CRLS1: variants seen among roughly 807,000 people sequenced by gnomAD.
CRLS1 encodes the protein cardiolipin synthase 1, also known as cardiolipin synthase (CMP-forming).
CRLS1 carries 24 observed loss-of-function variants against 37.0 expected under a neutral mutation model. The ratio of observed to expected loss-of-function variants is 0.65; its 90% CI spans 0.47 to 0.91. The LOEUF (loss-of-function observed/expected upper bound fraction) is 0.91, where lower values mean the gene tolerates loss of function less well. Ranked by LOEUF, CRLS1 falls within the 40% of genes least tolerant of loss-of-function variation. The pLI, the probability that CRLS1 is intolerant of heterozygous loss-of-function variation, is 0.00. For missense variants in CRLS1, 373 were observed against 395.8 expected (o/e 0.94, Z 0.49); for synonymous variants, 135 against 159.7 (o/e 0.85, Z 1.17).
Position 6,037,138 on chromosome 20 carries a change from GT to G in CRLS1, c.888del (p.Gln297ArgfsTer2), listed in dbSNP as rs1436510571. The G allele has an allele frequency of 1.2e-6, 2 of 1,613,240 alleles. No individual in the cohort carries two copies. Among genetic ancestry groups the G allele is most frequent in the Non-Finnish European group, 1.7e-6 (2 of 1,179,490 alleles). On this transcript the variant is annotated frameshift_variant, in exon 7 of 7. Transcript: ENST00000378863. LOFTEE classifies it high-confidence loss of function. ...YSYYHYGRKT[V>X]QVIKD ...TTACTATCATTATGGCCGGAAGACT[GT>G]TCAGGTGATAAAAGACTGATGAAAG...
In CRLS1 at chr20:6,006,170, C is replaced by T. The variant is rs1386996740; in HGVS notation, c.-77C>T. 2.4e-6 allele frequency: 2 copies of T among 846,764 alleles called. No homozygotes were observed. The highest frequency in any genetic ancestry group is 1.8e-5 in the African/African-American group (1 of 56,518). The allele number at this position is 846,764 out of a possible 1,614,324, so 52.5% of individuals were successfully genotyped here. On this transcript the variant is annotated 5_prime_UTR_variant, in exon 1 of 7. Transcript: ENST00000378863. Reference sequence around the variant, plus strand: ...AGTGTCTGAGTGGTTGCCGGGTCTCCATGGAGAAGCGGCTCGCCAGTGTCC... The same window carrying T: ...AGTGTCTGAGTGGTTGCCGGGTCTCTATGGAGAAGCGGCTCGCCAGTGTCC...
intron 6 of CRLS1, among the ~76,000 whole-genome samples, chr20:6,035,456 T>C (rs965708830): frequency 2.0e-5 from 3 of 152,158 alleles, no homozygotes; most frequent in African/African-American, 7.2e-5. Context: ...TGTTTAGATA[T>C]TTTCCCTAGT....
At chr20:6,009,683 T>A (rs2090106424) in intron 1 of CRLS1, 92 bp from the exon 2 acceptor site, 1 of 974,180 alleles carries the variant, frequency 1.0e-6, no homozygotes, top group African/African-American at 1.7e-5. Context: ...TGACTGAAGT[T>A]GATGAAGTAT....
chr20:6,012,251 G>C (rs1411963828), intron 2 of CRLS1, among the ~76,000 whole-genome samples: 1 of 152,186 alleles, frequency 6.6e-6, no homozygotes, highest in Non-Finnish European at 1.5e-5. Context: ...GACAAAGTCT[G>C]ATTGCGTTGT....
At chr20:6,006,907 T>G in intron 1 of CRLS1, 7 of 807,424 alleles carry the variant, frequency 8.7e-6, no homozygotes, top group Non-Finnish European at 7.5e-6. Context: ...TTAGGGCAAG[T>G]CTTTGGGAAT....
chr20:6,023,690 C>T (rs62205719), intron 3 of CRLS1, among the ~76,000 whole-genome samples: 15 of 150,530 alleles, frequency 1.0e-4, no homozygotes, highest in African/African-American at 2.2e-4. Flanking sequence ...CCCCACCTTC[C>T]GTTGAATTTT....
At chr20:6,015,113 G>A (rs777788198) in intron 2 of CRLS1, among the ~76,000 whole-genome samples, 2 of 152,032 alleles carry the variant, frequency 1.3e-5, no homozygotes, top group Non-Finnish European at 2.9e-5. Context: ...TGAAAATACC[G>A]AGAAATAACC....
intron 3 of CRLS1, among the ~76,000 whole-genome samples, chr20:6,022,528 G>A (rs1462503228): frequency 2.0e-5 from 3 of 151,752 alleles, no homozygotes; most frequent in East Asian, 3.9e-4. Context: ...TTTTAGAGAT[G>A]GAGTTTTGCC....
intron 5 of CRLS1, among the ~76,000 whole-genome samples, chr20:6,032,723 G>A (rs1174571827): frequency 6.6e-6 from 1 of 152,214 alleles, no homozygotes; most frequent in Non-Finnish European, 1.5e-5. Flanking sequence ...GTATATGCCA[G>A]TCTACCTCTC....
At chr20:6,011,572 CTTTTTT>C (rs559511975) in intron 2 of CRLS1, among the ~76,000 whole-genome samples, 188 of 27,806 alleles carry the variant, frequency 6.8e-3, no homozygotes, top group African/African-American at 0.011. Context: ...TTTGTCCCTG[CTTTTTT>C]TTTTTTTTTT....
rs898178743 is a variant in CRLS1, at chr20:6,039,334, C to T, written c.*2176C>T. On this transcript the variant is annotated 3_prime_UTR_variant, in exon 7 of 7. Transcript: ENST00000378863. ...TGTTTTTTTTACAAGCCCACAACAT[C>T]ATAGCTTTGCAGTTTTTAACCAGGA... is the stretch of plus-strand genomic sequence containing the variant. 1.3e-5 allele frequency: 2 copies of T among 151,296 alleles called. No individual in the cohort carries two copies. Among genetic ancestry groups the T allele is most frequent in the African/African-American group, 4.9e-5 (2 of 41,126 alleles). 9.4% of individuals were successfully genotyped at this position (151,296 alleles called of 1,614,324 possible). A position where few individuals can be genotyped will look rare whatever the true frequency, so the allele number is the denominator to read the frequency against.
intron 6 of CRLS1, 89 bp from the exon 7 acceptor site, chr20:6,036,985 T>C: frequency 1.1e-6 from 1 of 899,182 alleles, no homozygotes; most frequent in Non-Finnish European, 1.7e-6. Flanking sequence ...TTTTACATTT[T>C]AAATTCATTG....
chr20:6,013,841 A>G (rs116255680), intron 2 of CRLS1, among the ~76,000 whole-genome samples: 3,999 of 152,142 alleles, frequency 0.026, 169 homozygotes, highest in African/African-American at 0.091. Context: ...GCTTTTAAGC[A>G]GTGTTGAAGG....
chr20:6,007,072 T>A (rs2090067077), intron 1 of CRLS1, among the ~76,000 whole-genome samples: 1 of 152,188 alleles, frequency 6.6e-6, no homozygotes, highest in Non-Finnish European at 1.5e-5. Context: ...AGAAAAAGAT[T>A]TAAACTATTC....
chr20:6,009,619 G>T (rs1029068342), intron 1 of CRLS1, among the ~76,000 whole-genome samples, 156 bp from the exon 2 acceptor site: 1 of 152,148 alleles, frequency 6.6e-6, no homozygotes, highest in Non-Finnish European at 1.5e-5. Flanking sequence ...AAAAAGAACA[G>T]AATGGATTTT....
In CRLS1 at chr20:6,039,198, T is replaced by G. The variant is rs933800998; in HGVS notation, c.*2040T>G. 1.3e-5 allele frequency: 2 copies of G among 152,146 alleles called. No individual in the cohort carries two copies. The highest frequency in any genetic ancestry group is 2.9e-5 in the Non-Finnish European group (2 of 68,032). 9.4% of individuals were successfully genotyped at this position (152,146 alleles called of 1,614,324 possible). The stretch of plus-strand genomic sequence containing the variant: ...TCATTCCTGAGCCCAAGTGACCCTT[T>G]CACCTCAGCTTCCCAAGTAGCTGGG... On this transcript the variant is annotated 3_prime_UTR_variant, in exon 7 of 7. Coordinates refer to ENST00000378863, the MANE Select transcript of CRLS1 (RefSeq NM_019095.6).
intron 3 of CRLS1, chr20:6,015,818 AG>A: frequency 3.5e-6 from 1 of 282,308 alleles, no homozygotes; most frequent in South Asian, 3.4e-5. Context: ...GCTTTTCAAA[AG>A]CAATTTAGTT....
intron 6 of CRLS1, among the ~76,000 whole-genome samples, chr20:6,036,573 T>A (rs1042826665): frequency 1.3e-5 from 2 of 152,216 alleles, no homozygotes; most frequent in African/African-American, 4.8e-5. Context: ...CTGAGAAGCA[T>A]GGGGCAGTAG....
At chr20:6,020,979 CT>C (rs1186042875) in intron 3 of CRLS1, among the ~76,000 whole-genome samples, 2 of 151,272 alleles carry the variant, frequency 1.3e-5, no homozygotes, top group African/African-American at 4.9e-5. Context: ...TGTTCTTTTG[CT>C]TTTGGTTTGT....
Sources: gnomAD v4.1 joint callset for allele counts (sites outside exome capture counted in the v4.1 genomes callset) on GRCh38, gnomAD v4.1.1 for gene constraint, MANE v1.5 for transcripts, NCBI Gene and HGNC (gene_info 2026-07-23, HGNC 2026-07-21) for gene names.